RHBDD1: variants seen among roughly 807,000 people sequenced by gnomAD.
RHBDD1 encodes rhomboid-related protein 4.
RHBDD1 carries 38 observed loss-of-function variants against 36.3 expected under a neutral mutation model. That is an observed-to-expected ratio of 1.05 (90% CI 0.81 to 1.37). The LOEUF (loss-of-function observed/expected upper bound fraction) is 1.37, where lower values mean the gene tolerates loss of function less well. RHBDD1 is among the 40% of genes most tolerant of loss of function. RHBDD1 has a pLI of 0.00. For synonymous variants in RHBDD1, 151 were observed against 136.5 expected (o/e 1.11, Z -0.74); for missense variants, 393 against 377.6 (o/e 1.04, Z -0.34).
At position 226,890,181 on chromosome 2, in the gene RHBDD1, T is replaced by C. The variant is rs1574973539; in HGVS notation, c.567-16612T>C. Among the ~76,000 whole-genome samples, 4 of 152,304 alleles carry C rather than the reference T, an allele frequency of 2.6e-5. No individual in the cohort carries two copies. In the East Asian group the frequency reaches 5.8e-4, roughly 22 times the overall value. ...CTGACAATTTACTGAATAAAATAAC[T>C]ACAGATTTTAGAGAGCCCTTTAAAA... On this transcript the variant is annotated intron_variant, in intron 5 of 8. Coordinates refer to ENST00000392062, the MANE Select transcript of RHBDD1 (RefSeq NM_001167608.3).
At chr2:226,829,390 G>C in the RHBDD1 span, among the ~76,000 whole-genome samples, 1 of 152,134 alleles carries the variant, frequency 6.6e-6, no homozygotes, top group Admixed American at 6.5e-5. Context: ...AGCTTGTGAA[G>C]TGTGTACCCC....
chr2:226,877,743 C>T (rs1008071582), intron 5 of RHBDD1, among the ~76,000 whole-genome samples: 12 of 152,102 alleles, frequency 7.9e-5, no homozygotes, highest in Non-Finnish European at 1.2e-4. Context: ...TTTCACATTT[C>T]ATCACACGGT....
the RHBDD1 span, among the ~76,000 whole-genome samples, chr2:226,822,559 G>T: frequency 6.6e-6 from 1 of 151,454 alleles, no homozygotes; most frequent in Non-Finnish European, 1.5e-5. Flanking sequence ...CGCTTGAACT[G>T]GTGGGCTGAG....
chr2:226,950,144 G>T (rs1300946716), intron 8 of RHBDD1, among the ~76,000 whole-genome samples: 2 of 152,166 alleles, frequency 1.3e-5, no homozygotes, highest in African/African-American at 4.8e-5. Context: ...TACAGTCACT[G>T]TATCATAGAT....
At chr2:226,854,407 A>G (rs1056170515) in intron 3 of RHBDD1, among the ~76,000 whole-genome samples, 15 of 152,124 alleles carry the variant, frequency 9.9e-5, no homozygotes, top group African/African-American at 3.6e-4. Context: ...AGACTGGCCA[A>G]CATGGTGAAA....
the RHBDD1 span, among the ~76,000 whole-genome samples, chr2:226,820,021 T>G: frequency 1.3e-5 from 2 of 151,866 alleles, no homozygotes; most frequent in African/African-American, 4.8e-5. Context: ...AAGTCTCTCT[T>G]TTAGCTAGGG....
At chr2:226,947,991 T>C (rs1951112338) in intron 8 of RHBDD1, among the ~76,000 whole-genome samples, 1 of 152,184 alleles carries the variant, frequency 6.6e-6, no homozygotes, top group Non-Finnish European at 1.5e-5. Flanking sequence ...AGTTCAGCCA[T>C]TGTGGAAGTC....
chr2:226,887,171 G>C (rs1040204335), intron 5 of RHBDD1, among the ~76,000 whole-genome samples: 1 of 152,190 alleles, frequency 6.6e-6, no homozygotes, highest in African/African-American at 2.4e-5. Context: ...TAAAAGAGTC[G>C]CTGTTGGTTT....
At chr2:226,810,103 T>A in the RHBDD1 span, among the ~76,000 whole-genome samples, 1 of 152,242 alleles carries the variant, frequency 6.6e-6, no homozygotes, top group Non-Finnish European at 1.5e-5. Flanking sequence ...AAGTTGAAAA[T>A]CTGCATATAA....
At chr2:226,897,320 CT>C (rs1237945008) in intron 5 of RHBDD1, among the ~76,000 whole-genome samples, 1 of 151,880 alleles carries the variant, frequency 6.6e-6, no homozygotes, top group East Asian at 1.9e-4. Flanking sequence ...GTCTGTCTGT[CT>C]GTCTGTCTGT....
At chr2:226,816,033 G>A in the RHBDD1 span, among the ~76,000 whole-genome samples, 2 of 152,168 alleles carry the variant, frequency 1.3e-5, no homozygotes, top group African/African-American at 4.8e-5. Context: ...TTAGTGTGTA[G>A]GTGACGCTGC....
intron 5 of RHBDD1, among the ~76,000 whole-genome samples, chr2:226,888,548 T>TA (rs1408297709): frequency 1.3e-5 from 2 of 152,102 alleles, no homozygotes; most frequent in African/African-American, 2.4e-5. Context: ...TTATGAGTCT[T>TA]ACCACATTTT....
intron 5 of RHBDD1, among the ~76,000 whole-genome samples, chr2:226,887,682 A>G (rs921797389): frequency 5.3e-5 from 8 of 152,260 alleles, no homozygotes; most frequent in Admixed American, 5.2e-4. Flanking sequence ...TGCTCTTGTC[A>G]AACAGTATTT....
chr2:226,940,294 G>A (rs13384342), intron 8 of RHBDD1, among the ~76,000 whole-genome samples: 75,867 of 151,704 alleles, frequency 0.5, 19,785 homozygotes, highest in African/African-American at 0.66. Context: ...CAAAAGTGAC[G>A]CTTGAAAAAA....
At chr2:226,831,055 T>C (rs569971591), upstream of RHBDD1, among the ~76,000 whole-genome samples, 3 of 152,362 alleles carry the variant, frequency 2.0e-5, no homozygotes, top group South Asian at 6.2e-4. Context: ...AATACTTCAT[T>C]GGGAATTTTT....
intron 7 of RHBDD1, among the ~76,000 whole-genome samples, chr2:226,913,107 A>G (rs1229979767): frequency 1.3e-5 from 2 of 152,180 alleles, no homozygotes; most frequent in African/African-American, 4.8e-5. Context: ...TGAAATCTCA[A>G]TTAATGCAAT....
chr2:226,955,021 A>G (rs981764401), intron 8 of RHBDD1, among the ~76,000 whole-genome samples: 2 of 151,790 alleles, frequency 1.3e-5, no homozygotes, highest in African/African-American at 4.8e-5. Context: ...GCTTGAGGGT[A>G]CTGAAAGCAG....
At chr2:226,836,216 G>A (rs571573718) in intron 1 of RHBDD1, 129 bp downstream of exon 1, 1,545 of 153,000 alleles carry the variant, frequency 0.01, 13 homozygotes, top group Non-Finnish European at 0.015. Flanking sequence ...GCCTCCCGGG[G>A]GGCTAGGGCG....
At chr2:226,865,959 A>G (rs536953547) in intron 4 of RHBDD1, among the ~76,000 whole-genome samples, 5 of 152,382 alleles carry the variant, frequency 3.3e-5, no homozygotes, top group African/African-American at 4.8e-5. Flanking sequence ...ACACCCTGCT[A>G]TGGCATGCTG....
Sources: allele counts gnomAD v4.1 joint callset (sites outside exome capture counted in the v4.1 genomes callset), GRCh38; gene constraint gnomAD v4.1.1; transcripts MANE v1.5; gene names NCBI Gene and HGNC (gene_info 2026-07-23, HGNC 2026-07-21).